The following SPMAP2L variants were observed in gnomAD, a reference collection of about 807,000 sequenced individuals.
The protein encoded by SPMAP2L is sperm microtubule associated protein 2-like.
chr4:56,618,140 C>T, the SPMAP2L span, among the ~76,000 whole-genome samples: 14 of 152,180 alleles, frequency 9.2e-5, no homozygotes, highest in African/African-American at 3.1e-4. Flanking sequence ...AGGGTAGAGC[C>T]CTGGCCAGTG....
chr4:56,567,826 T>C, the SPMAP2L span, among the ~76,000 whole-genome samples: 7 of 152,144 alleles, frequency 4.6e-5, no homozygotes, highest in Non-Finnish European at 1.5e-5. Context: ...TATCTTAATG[T>C]TTTTTTCATA....
chr4:56,600,097 C>CTTTTTTTT, the SPMAP2L span, among the ~76,000 whole-genome samples: 106 of 87,800 alleles, frequency 1.2e-3, 1 homozygote, highest in Non-Finnish European at 1.4e-3. Flanking sequence ...TCTTTGCTTT[C>CTTTTTTTT]TTTTTTTTTT....
the SPMAP2L span, among the ~76,000 whole-genome samples, chr4:56,551,809 G>A: frequency 6.6e-6 from 1 of 152,156 alleles, no homozygotes; most frequent in Non-Finnish European, 1.5e-5. Flanking sequence ...TCTCCCTCCT[G>A]CCAGAGTCTA....
the SPMAP2L span, chr4:56,548,947 C>T: frequency 2.1e-6 from 1 of 486,866 alleles, no homozygotes; most frequent in Middle Eastern, 2.9e-4. Context: ...CCTAGGCTTT[C>T]CCTTTGTCAT....
chr4:56,560,947 T>C, the SPMAP2L span, among the ~76,000 whole-genome samples: 1 of 152,106 alleles, frequency 6.6e-6, no homozygotes, highest in African/African-American at 2.4e-5. Flanking sequence ...AGTCTTGCCA[T>C]GTTGGCCAGG....
chr4:56,593,332 C>A, the SPMAP2L span: 1 of 1,135,134 alleles, frequency 8.8e-7, no homozygotes, highest in East Asian at 2.3e-5. Flanking sequence ...CCATTGCCAC[C>A]CACAGACAAT....
At chr4:56,557,287 G>GA in the SPMAP2L span, among the ~76,000 whole-genome samples, 4 of 150,228 alleles carry the variant, frequency 2.7e-5, no homozygotes, top group South Asian at 2.1e-4. Context: ...GAAAAGAAAA[G>GA]AAACAAACAA....
chr4:56,537,278 C>T, the SPMAP2L span, among the ~76,000 whole-genome samples: 1 of 152,144 alleles, frequency 6.6e-6, no homozygotes, highest in South Asian at 2.1e-4. Flanking sequence ...ACTTTTACCC[C>T]TAGGTGGTCA....
chr4:56,609,557 T>G, the SPMAP2L span, among the ~76,000 whole-genome samples: 12 of 152,168 alleles, frequency 7.9e-5, no homozygotes, highest in Non-Finnish European at 1.8e-4. Flanking sequence ...AAACATGAAT[T>G]TGGGGGAACC....
At chr4:56,552,468 C>A in the SPMAP2L span, 2 of 654,450 alleles carry the variant, frequency 3.1e-6, no homozygotes, top group East Asian at 3.2e-5. Context: ...TTTTTTTTCC[C>A]CCCTCCTATG....
At chr4:56,542,023 G>A in the SPMAP2L span, among the ~76,000 whole-genome samples, 1 of 152,160 alleles carries the variant, frequency 6.6e-6, no homozygotes, top group Non-Finnish European at 1.5e-5. Context: ...CAGTTGATTT[G>A]TTCAAATTAG....
the SPMAP2L span, among the ~76,000 whole-genome samples, chr4:56,613,450 C>A: frequency 6.6e-6 from 1 of 152,134 alleles, no homozygotes; most frequent in Admixed American, 6.5e-5. Context: ...TTCAATGTTG[C>A]CCCCTGCAGA....
the SPMAP2L span, among the ~76,000 whole-genome samples, chr4:56,574,967 T>A: frequency 6.7e-6 from 1 of 149,712 alleles, no homozygotes; most frequent in Non-Finnish European, 1.5e-5. Context: ...AAAAAAGATG[T>A]CTGCTGGGCG....
the SPMAP2L span, among the ~76,000 whole-genome samples, chr4:56,608,402 G>A: frequency 1.3e-5 from 2 of 152,158 alleles, no homozygotes; most frequent in Non-Finnish European, 2.9e-5. Context: ...GATTAGTATG[G>A]CTAGAAGGAA....
the SPMAP2L span, chr4:56,594,676 TG>T: frequency 7.7e-7 from 1 of 1,305,610 alleles, no homozygotes; most frequent in Non-Finnish European, 1.1e-6. Flanking sequence ...TGGATAAATG[TG>T]GGAATATCAA....
the SPMAP2L span, among the ~76,000 whole-genome samples, chr4:56,569,462 A>G: frequency 6.6e-6 from 1 of 151,456 alleles, no homozygotes; most frequent in Non-Finnish European, 1.5e-5. Context: ...AGAAATGTTC[A>G]TCCAAATCCT....
the SPMAP2L span, among the ~76,000 whole-genome samples, chr4:56,536,867 G>A: frequency 1.3e-5 from 2 of 152,068 alleles, no homozygotes; most frequent in Admixed American, 6.5e-5. Context: ...GGGTTCAAGC[G>A]ATTCTCCTGT....
the SPMAP2L span, among the ~76,000 whole-genome samples, chr4:56,598,111 C>T: frequency 1.3e-5 from 2 of 152,194 alleles, no homozygotes; most frequent in Admixed American, 6.5e-5. Context: ...GATCCTTGTG[C>T]CTCAACCTCC....
chr4:56,576,677 A>G, the SPMAP2L span, among the ~76,000 whole-genome samples: 2 of 152,214 alleles, frequency 1.3e-5, no homozygotes, highest in Non-Finnish European at 2.9e-5. Context: ...AAGAAGGCCC[A>G]ATTCTTCCCA....
Sources: gnomAD v4.1 joint callset for allele counts (sites outside exome capture counted in the v4.1 genomes callset) on GRCh38, gnomAD v4.1.1 for gene constraint, MANE v1.5 for transcripts, NCBI Gene and HGNC (gene_info 2026-07-23, HGNC 2026-07-21) for gene names.